PXDNL: variants seen among roughly 807,000 people sequenced by gnomAD.
The protein encoded by PXDNL is probable oxidoreductase PXDNL.
In PXDNL, 145 loss-of-function variants were observed where a neutral mutation model predicts 150.8. That is an observed-to-expected ratio of 0.96 (90% CI 0.84 to 1.10). The LOEUF is 1.10. Among genes scored for constraint, PXDNL ranks in the 50% least tolerant of loss-of-function variants. The pLI, the probability that PXDNL is intolerant of heterozygous loss-of-function variation, is 0.00. For missense variants in PXDNL, 2,087 were observed against 1,873.9 expected (o/e 1.11, Z -2.10); for synonymous variants, 757 against 725.7 (o/e 1.04, Z -0.69).
intron 4 of PXDNL, among the ~76,000 whole-genome samples, chr8:51,514,521 T>C (rs1811494887): frequency 1.3e-5 from 2 of 152,246 alleles, no homozygotes; most frequent in African/African-American, 4.8e-5. Context: ...CAAATGTTTA[T>C]GATATAATTA....
At chr8:51,515,771 G>T (rs1008873722) in intron 4 of PXDNL, among the ~76,000 whole-genome samples, 1 of 152,170 alleles carries the variant, frequency 6.6e-6, no homozygotes, top group Non-Finnish European at 1.5e-5. Flanking sequence ...TCATGGGTGT[G>T]AGTGAAATAT....
chr8:51,784,648 C>CA (rs1354005006), intron 1 of PXDNL, among the ~76,000 whole-genome samples: 1 of 152,004 alleles, frequency 6.6e-6, no homozygotes, highest in Non-Finnish European at 1.5e-5. Context: ...TAATAAAAGA[C>CA]AAAGGAATGC....
intron 6 of PXDNL, among the ~76,000 whole-genome samples, chr8:51,480,477 G>A (rs1216472994): frequency 6.6e-6 from 1 of 152,076 alleles, no homozygotes; most frequent in Non-Finnish European, 1.5e-5. Context: ...AATATTGGGA[G>A]GACAGCACCC....
intron 14 of PXDNL, among the ~76,000 whole-genome samples, chr8:51,415,037 T>C (rs1343017840): frequency 6.6e-6 from 1 of 152,068 alleles, no homozygotes; most frequent in African/African-American, 2.4e-5. Context: ...ATTTTGGGGA[T>C]TGTATTTAGA....
chr8:51,320,875 A>C lies in PXDNL; in HGVS notation c.4169T>G (p.Leu1390Arg). Residue 1390 changes from leucine (L) to arginine (R), a missense_variant, in exon 22 of 23, where the codon CTG becomes CGG. Coordinates refer to ENST00000356297, the MANE Select transcript of PXDNL (RefSeq NM_144651.5). ...AACATCTGTACACCCTGCCTGCCTC[A>C]GGCGTGCCTCCAGCTTGTTTATCTG... The part of the protein sequence containing the change: ...REQINKLEAR[L>R]RQAGCTDVRG... The C allele has an allele frequency of 1.2e-6, 2 of 1,613,816 alleles. No individual in the cohort carries two copies. Among genetic ancestry groups the C allele is most frequent in the Non-Finnish European group, 1.7e-6 (2 of 1,179,784 alleles).
chr8:51,665,871 T>C (rs934984866), intron 1 of PXDNL, among the ~76,000 whole-genome samples: 2 of 152,202 alleles, frequency 1.3e-5, no homozygotes, highest in African/African-American at 2.4e-5. Context: ...CCTGTGATGA[T>C]GTGAGGAAGC....
chr8:51,700,579 TA>T (rs1330654999), intron 1 of PXDNL, among the ~76,000 whole-genome samples: 8 of 9,036 alleles, frequency 8.9e-4, no homozygotes, highest in Non-Finnish European at 1.7e-3. Context: ...TATATACCCA[TA>T]TACACACATA....
chr8:51,646,384 T>G (rs1187076745), intron 2 of PXDNL, among the ~76,000 whole-genome samples: 6 of 152,170 alleles, frequency 3.9e-5, no homozygotes, highest in African/African-American at 1.4e-4. Flanking sequence ...AGCCACCTGG[T>G]CTGTGGCATT....
At chr8:51,396,785 T>TAAA (rs1285167033) in intron 17 of PXDNL, among the ~76,000 whole-genome samples, 1 of 152,064 alleles carries the variant, frequency 6.6e-6, no homozygotes, top group Admixed American at 6.6e-5. Context: ...ATAATAATAA[T>TAAA]AAACAAATAA....
chr8:51,523,766 GTCCCTCA>G (rs1282182104), intron 4 of PXDNL, among the ~76,000 whole-genome samples: 1 of 152,138 alleles, frequency 6.6e-6, no homozygotes, highest in Non-Finnish European at 1.5e-5. Context: ...TGTACAGGAG[GTCCCTCA>G]GGCCCAGGGG....
chr8:51,477,297 T>C (rs1044053466), intron 6 of PXDNL, among the ~76,000 whole-genome samples: 4 of 152,238 alleles, frequency 2.6e-5, no homozygotes, highest in African/African-American at 9.6e-5. Context: ...TTTGCACTTA[T>C]TGAAAAGTTA....
chr8:51,798,000 T>C (rs997293515), intron 1 of PXDNL, among the ~76,000 whole-genome samples: 2 of 152,018 alleles, frequency 1.3e-5, no homozygotes, highest in African/African-American at 2.4e-5. Context: ...TGGAACAGAA[T>C]AGAGATCTCA....
intron 16 of PXDNL, 71 bp downstream of exon 16, chr8:51,411,179 G>T: frequency 1.6e-6 from 2 of 1,224,024 alleles, no homozygotes; most frequent in Non-Finnish European, 2.1e-6. Context: ...AAAGTTCAGT[G>T]TCCTTTGCTA....
chr8:51,646,476 A>G (rs960359253), intron 2 of PXDNL, among the ~76,000 whole-genome samples: 1 of 152,076 alleles, frequency 6.6e-6, no homozygotes, highest in Non-Finnish European at 1.5e-5. Context: ...GGAGGAGTTG[A>G]CCCCCTGTGT....
chr8:51,367,490 T>C (rs1196912553), intron 19 of PXDNL, among the ~76,000 whole-genome samples: 1 of 152,222 alleles, frequency 6.6e-6, no homozygotes, highest in African/African-American at 2.4e-5. Context: ...GTCATGTTTA[T>C]CTTTTTAGAA....
At chr8:51,325,023 AC>A (rs1424092020) in intron 21 of PXDNL, among the ~76,000 whole-genome samples, 2 of 151,924 alleles carry the variant, frequency 1.3e-5, no homozygotes, top group Non-Finnish European at 2.9e-5. Flanking sequence ...GCACCACCAC[AC>A]CCGGCTAATT....
At chr8:51,558,682 T>C (rs1239541596) in intron 3 of PXDNL, among the ~76,000 whole-genome samples, 2 of 152,070 alleles carry the variant, frequency 1.3e-5, no homozygotes, top group Non-Finnish European at 2.9e-5. Flanking sequence ...TGTTATATTG[T>C]AGAAAATGGT....
chr8:51,649,559 C>G (rs1255711573), intron 2 of PXDNL, among the ~76,000 whole-genome samples: 1 of 152,022 alleles, frequency 6.6e-6, no homozygotes, highest in Non-Finnish European at 1.5e-5. Flanking sequence ...TTGTAAAGCA[C>G]CTACCACAAC....
chr8:51,452,016 C>T (rs555446630), intron 10 of PXDNL, among the ~76,000 whole-genome samples: 13 of 152,150 alleles, frequency 8.5e-5, no homozygotes, highest in African/African-American at 3.1e-4. Flanking sequence ...AAGAAATAGG[C>T]AGGATGGTAA....
Sources: allele counts gnomAD v4.1 joint callset (sites outside exome capture counted in the v4.1 genomes callset), GRCh38; gene constraint gnomAD v4.1.1; transcripts MANE v1.5; gene names NCBI Gene and HGNC (gene_info 2026-07-23, HGNC 2026-07-21).